The following CDYL2 variants were observed in gnomAD, a reference collection of about 807,000 sequenced individuals.
The protein encoded by CDYL2 is chromodomain Y-like protein 2.
CDYL2 carries 23 observed loss-of-function variants against 49.4 expected under a neutral mutation model. The observed-to-expected ratio is 0.47, with a 90% CI of 0.34 to 0.66. CDYL2 has a LOEUF of 0.66. Ranked by LOEUF, CDYL2 falls within the 30% of genes least tolerant of loss-of-function variation. The pLI is 0.01. For synonymous variants in CDYL2, 360 were observed against 268.8 expected (o/e 1.34, Z -3.32); for missense variants, 678 against 656.4 (o/e 1.03, Z -0.36).
At chr16:80,740,336 G>C (rs1055990701) in intron 1 of CDYL2, among the ~76,000 whole-genome samples, 1 of 152,152 alleles carries the variant, frequency 6.6e-6, no homozygotes, top group Admixed American at 6.5e-5. Context: ...AGGTTGTGAA[G>C]TGAGTATAGA....
At position 80,684,849 on chromosome 16, in the gene CDYL2, G is replaced by T. The variant is rs752287768; in HGVS notation, c.305C>A (p.Thr102Asn). ...GTTAATTCGCTTCCGTTTATGGGAG[G>T]TCCCCTTGCTCTTTCCAGGATCTGA... ...RPSDPGKSKG[T>N]SHKRKRINPP... The change falls in exon 2 of 7, where the codon ACC becomes AAC. Residue 102 changes from threonine (T) to asparagine (N), a missense_variant. By Grantham distance (65) the Thr-to-Asn change is moderately conservative. Transcript: ENST00000570137. 1.1e-5 allele frequency: 17 copies of T among 1,613,976 alleles called. No homozygotes were observed. The East Asian group carries it at 1.1e-4, about 11-fold the overall frequency.
chr16:80,684,674 G>A lies in CDYL2; in HGVS notation c.480C>T (p.Asp160=), dbSNP rs746532742. The change falls in exon 2 of 7, where the codon GAC becomes GAT. Residue 160 remains aspartate, a synonymous_variant. Transcript: ENST00000570137. ...KKSQNGMENG[D]AGSEKDERHF... ...GCCTCTCATCCTTCTCAGAGCCGGC[G>A]TCCCCATTTTCCATCCCGTTCTGAG... 69 of 1,613,998 alleles carry A rather than the reference G, an allele frequency of 4.3e-5. No homozygotes were observed. The highest frequency in any genetic ancestry group is 1.6e-4 in the Middle Eastern group (1 of 6,084).
At chr16:80,691,038 TG>T (rs1350134022) in intron 1 of CDYL2, among the ~76,000 whole-genome samples, 4 of 151,986 alleles carry the variant, frequency 2.6e-5, no homozygotes, top group African/African-American at 9.7e-5. Context: ...TCTTGGTCTC[TG>T]GGAGCAAAAA....
chr16:80,695,206 A>C (rs1910572810), intron 1 of CDYL2, among the ~76,000 whole-genome samples: 1 of 152,254 alleles, frequency 6.6e-6, no homozygotes, highest in Admixed American at 6.5e-5. Context: ...CTTTCACAAT[A>C]CAACAGTAGA....
At chr16:80,693,064 GA>G (rs1323121726) in intron 1 of CDYL2, among the ~76,000 whole-genome samples, 1 of 136,240 alleles carries the variant, frequency 7.3e-6, no homozygotes, top group Non-Finnish European at 1.5e-5. Context: ...AGACTCAGAA[GA>G]CTACATGCCA....
chr16:80,632,078 G>A (rs1416706909), intron 3 of CDYL2, among the ~76,000 whole-genome samples: 2 of 152,010 alleles, frequency 1.3e-5, no homozygotes, highest in African/African-American at 2.4e-5. Flanking sequence ...ATATATCCAA[G>A]AAACCTGAAA....
intron 3 of CDYL2, 96 bp from the exon 4 acceptor site, chr16:80,621,031 G>A: frequency 7.4e-7 from 1 of 1,354,110 alleles, no homozygotes; most frequent in African/African-American, 1.5e-5. Context: ...GACCCCCTGA[G>A]GGTAGAGGCC....
At position 80,608,243 on chromosome 16, in the gene CDYL2, A is replaced by G. The variant is rs753080970; in HGVS notation, c.1219-8T>C. 4.5e-6 allele frequency: 7 copies of G among 1,558,816 alleles called. No individual in the cohort carries two copies. In the South Asian group the frequency reaches 7.1e-5, roughly 16 times the overall value. ...GAACAGCATCTCATTGGCCTGAAAA[A>G]GCAAAAGCAGGCAAAGACTGAGGGC... On this transcript the variant is annotated splice_polypyrimidine_tract_variant and splice_region_variant and intron_variant, in intron 5 of 6. Transcript: ENST00000570137.
intron 1 of CDYL2, among the ~76,000 whole-genome samples, chr16:80,738,397 AT>A (rs59849412): frequency 0.27 from 40,028 of 150,670 alleles, 6,454 homozygotes; most frequent in Middle Eastern, 0.48. Context: ...TCCCATGTCT[AT>A]TTTTTTTTTA....
chr16:80,787,737 G>A (rs537546863), intron 1 of CDYL2, among the ~76,000 whole-genome samples: 8 of 152,148 alleles, frequency 5.3e-5, no homozygotes, highest in Admixed American at 5.2e-4. Flanking sequence ...ATCAGGTGGT[G>A]AAAAATAGTT....
chr16:80,674,363 GGCAA>G (rs992164749), intron 2 of CDYL2, among the ~76,000 whole-genome samples: 1 of 152,138 alleles, frequency 6.6e-6, no homozygotes, highest in African/African-American at 2.4e-5. Flanking sequence ...CCTTGCACAT[GGCAA>G]GCAGTAGGGA....
chr16:80,611,346 T>G (rs1201164374), intron 5 of CDYL2, among the ~76,000 whole-genome samples: 1 of 152,166 alleles, frequency 6.6e-6, no homozygotes. Flanking sequence ...CCTGAGAACC[T>G]TCTGAGATCC....
At chr16:80,664,153 C>T (rs1255311699) in intron 2 of CDYL2, among the ~76,000 whole-genome samples, 1 of 152,114 alleles carries the variant, frequency 6.6e-6, no homozygotes, top group Non-Finnish European at 1.5e-5. Context: ...AGTTCACATG[C>T]CTCCATCGTC....
At chr16:80,774,464 G>A (rs551866231) in intron 1 of CDYL2, among the ~76,000 whole-genome samples, 1 of 152,238 alleles carries the variant, frequency 6.6e-6, no homozygotes, top group South Asian at 2.1e-4. Context: ...GAAGGTATAT[G>A]TTTTAGTGAT....
chr16:80,749,130 G>A (rs1327275096), intron 1 of CDYL2, among the ~76,000 whole-genome samples: 2 of 148,758 alleles, frequency 1.3e-5, no homozygotes, highest in Non-Finnish European at 3.0e-5. Flanking sequence ...GAATGATTAT[G>A]GGAGATTGTT....
At chr16:80,797,132 T>C (rs1012137081) in intron 1 of CDYL2, among the ~76,000 whole-genome samples, 13 of 152,220 alleles carry the variant, frequency 8.5e-5, no homozygotes, top group Non-Finnish European at 1.6e-4. Context: ...GCTTTAATTA[T>C]AATCTACATA....
chr16:80,683,368 G>C (rs1208813455), intron 2 of CDYL2, among the ~76,000 whole-genome samples: 1 of 152,236 alleles, frequency 6.6e-6, no homozygotes, highest in Non-Finnish European at 1.5e-5. Flanking sequence ...CAGCTAACCT[G>C]AAAGACTGAT....
At chr16:80,751,669 G>A (rs774271959) in intron 1 of CDYL2, among the ~76,000 whole-genome samples, 2 of 152,228 alleles carry the variant, frequency 1.3e-5, no homozygotes, top group African/African-American at 4.8e-5. Flanking sequence ...CAAGTGTTGA[G>A]CAGAAAGAAG....
intron 2 of CDYL2, among the ~76,000 whole-genome samples, chr16:80,642,596 G>C (rs1908148860): frequency 6.6e-6 from 1 of 152,094 alleles, no homozygotes; most frequent in South Asian, 2.1e-4. Flanking sequence ...GGGTAGACTG[G>C]GAAGAAAAAG....
Sources: gnomAD v4.1 joint callset for allele counts (sites outside exome capture counted in the v4.1 genomes callset) on GRCh38, gnomAD v4.1.1 for gene constraint, MANE v1.5 for transcripts, NCBI Gene and HGNC (gene_info 2026-07-23, HGNC 2026-07-21) for gene names.